The following PFKFB4 variants were observed in gnomAD, a reference collection of about 807,000 sequenced individuals.
The protein encoded by PFKFB4 is 6-phosphofructo-2-kinase/fructose-2,6-biphosphatase 4.
A neutral mutation model predicts 62.8 loss-of-function variants in PFKFB4; 42 were observed. The observed-to-expected ratio is 0.67, with a 90% CI of 0.52 to 0.86. The LOEUF (loss-of-function observed/expected upper bound fraction) is 0.86. PFKFB4 is among the 40% of genes least tolerant of loss of function. The pLI is 0.00. For synonymous variants in PFKFB4, 204 were observed against 240.7 expected (o/e 0.85, Z 1.41); for missense variants, 475 against 627.2 (o/e 0.76, Z 2.59).
chr3:48,549,962 T>C lies in PFKFB4; in HGVS notation c.215-2A>G. 1.9e-6 allele frequency: 3 copies of C among 1,609,940 alleles called. No homozygotes were observed. The highest frequency in any genetic ancestry group is 2.2e-5 in the East Asian group (1 of 44,856). Reference sequence around the variant, plus strand: ...GGCGATACTGGCCAACATTGAACTCTGGAGGGAAGGAGAGGCTCAGCTTTC... The same window carrying C: ...GGCGATACTGGCCAACATTGAACTCCGGAGGGAAGGAGAGGCTCAGCTTTC... On this transcript the variant is annotated splice_acceptor_variant, in intron 2 of 13. Transcript: ENST00000232375. LOFTEE classifies it high-confidence loss of function.
At chr3:48,562,929 G>A (rs765735658), upstream of PFKFB4, 22 of 1,604,638 alleles carry the variant, frequency 1.4e-5, no homozygotes, top group East Asian at 4.5e-5. This position sits in a 1 kb window ranked among gnomAD's most constrained non-coding sequence, Gnocchi z 4.3. Flanking sequence ...CCAGGGTGGC[G>A]GGTGGGGCTG....
chr3:48,553,858 C>T (rs2107601508), intron 1 of PFKFB4, among the ~76,000 whole-genome samples: 1 of 152,324 alleles, frequency 6.6e-6, no homozygotes, highest in South Asian at 2.1e-4. Context: ...CAGTCATGTC[C>T]TTACCCAGGA....
chr3:48,562,896 C>A (rs751720407), upstream of PFKFB4: 1 of 1,604,562 alleles, frequency 6.2e-7, no homozygotes, highest in South Asian at 1.1e-5. The surrounding 1 kb of genome is among the most constrained non-coding windows in gnomAD (Gnocchi z 4.3). Context: ...ATGGGGACAT[C>A]CAGCGATAGG....
intron 1 of PFKFB4, among the ~76,000 whole-genome samples, chr3:48,552,864 G>A (rs80219571): frequency 0.013 from 2,004 of 152,268 alleles, 45 homozygotes; most frequent in African/African-American, 0.046. Context: ...GCACAAGGTG[G>A]GCAGGCAGGG....
At chr3:48,551,638 G>A (rs1358836550) in intron 1 of PFKFB4, among the ~76,000 whole-genome samples, 3 of 142,390 alleles carry the variant, frequency 2.1e-5, no homozygotes, top group African/African-American at 8.0e-5. Flanking sequence ...TCTGCCTCCC[G>A]GGCTCAAGCA....
intron 9 of PFKFB4, among the ~76,000 whole-genome samples, chr3:48,529,980 T>C (rs1297950734): frequency 6.6e-6 from 1 of 151,652 alleles, no homozygotes; most frequent in Non-Finnish European, 1.5e-5. Context: ...AGGCCAGGCA[T>C]AGTGGCTCAT....
intron 10 of PFKFB4, among the ~76,000 whole-genome samples, chr3:48,524,939 CAT>C (rs980927848): frequency 1.1e-4 from 17 of 152,206 alleles, no homozygotes; most frequent in African/African-American, 1.7e-4. Context: ...GTAGCCAACT[CAT>C]GTGTGGAAGG....
rs201387883 is a variant in PFKFB4, at chr3:48,556,780, C to G, written c.-3G>C. ...GTCAATTCCCGTGGGGACGCCATCC[C>G]GGGGCCGGGATGAGTCGGACTGCGC... On this transcript the variant is annotated 5_prime_UTR_variant, in exon 1 of 14. Transcript: ENST00000232375. This position sits in a 1 kb window ranked among gnomAD's most constrained non-coding sequence, Gnocchi z 5.7. 3 of 1,600,124 alleles carry G rather than the reference C, an allele frequency of 1.9e-6. No individual in the cohort carries two copies. Among genetic ancestry groups the G allele is most frequent in the East Asian group, 2.3e-5 (1 of 42,744 alleles).
chr3:48,526,530 G>A lies in PFKFB4; in HGVS notation c.988-861C>T, dbSNP rs1430510508. Among the ~76,000 whole-genome samples, 4 of 148,902 alleles carry A rather than the reference G, an allele frequency of 2.7e-5. No homozygotes were observed. In the East Asian group the frequency reaches 5.9e-4, roughly 22 times the overall value. Reference sequence around the variant, plus strand: ...GGAGATTGCAGTGAGCCAAGATTACGCCACTGCACTCCAGCCTGGGGAAGA... The same window carrying A: ...GGAGATTGCAGTGAGCCAAGATTACACCACTGCACTCCAGCCTGGGGAAGA... On this transcript the variant is annotated intron_variant, in intron 9 of 13. Coordinates refer to ENST00000232375, the MANE Select transcript of PFKFB4 (RefSeq NM_004567.4).
At chr3:48,522,185 C>CTT (rs1055034832) in intron 12 of PFKFB4, 135 bp from the exon 13 acceptor site, 1 of 769,428 alleles carries the variant, frequency 1.3e-6, no homozygotes, top group African/African-American at 1.7e-5. Flanking sequence ...AGTTCTTCCA[C>CTT]TTTAGGCAGC....
At chr3:48,563,054 G>C, upstream of PFKFB4, 1 of 1,612,226 alleles carries the variant, frequency 6.2e-7, no homozygotes, top group Non-Finnish European at 8.5e-7. The surrounding 1 kb of genome is among the most constrained non-coding windows in gnomAD (Gnocchi z 4.5). Context: ...GGTTGGGATA[G>C]GGGTCACTGG....
chr3:48,521,398 A>G lies in PFKFB4; in HGVS notation c.1350+588T>C, dbSNP rs1163199028. Reference sequence around the variant, plus strand: ...CTCTGAGGAGCTTCTACCTTCCACAAGGCACTTGGGGAGCACAGGTGGTGA... The same window carrying G: ...CTCTGAGGAGCTTCTACCTTCCACAGGGCACTTGGGGAGCACAGGTGGTGA... On this transcript the variant is annotated intron_variant, in intron 13 of 13. Transcript: ENST00000232375. This position sits in a 1 kb window ranked among gnomAD's most constrained non-coding sequence, Gnocchi z 5.3. 6.6e-6 allele frequency among the ~76,000 whole-genome samples: 1 copy of G among 152,178 alleles called. No homozygotes were observed. The highest frequency in any genetic ancestry group is 1.9e-4 in the East Asian group (1 of 5,196).
rs1221291454 is a variant in PFKFB4 at position 48,521,476 on chromosome 3, G to C, written c.1350+510C>G. Among the ~76,000 whole-genome samples, 1 of 152,186 alleles carries C rather than the reference G, an allele frequency of 6.6e-6. No individual in the cohort carries two copies. Among genetic ancestry groups the C allele is most frequent in the African/African-American group, 2.4e-5 (1 of 41,444 alleles). On this transcript the variant is annotated intron_variant, in intron 13 of 13. Coordinates refer to ENST00000232375, the MANE Select transcript of PFKFB4 (RefSeq NM_004567.4). This position sits in a 1 kb window ranked among gnomAD's most constrained non-coding sequence, Gnocchi z 5.3. ...CCATGCTGAGGCCCCTTCAGTATCT[G>C]CATGGCCCTTTCCCCAAAAGTACAT...
At chr3:48,551,865 G>T (rs1335811979) in intron 1 of PFKFB4, among the ~76,000 whole-genome samples, 1 of 152,030 alleles carries the variant, frequency 6.6e-6, no homozygotes, top group Non-Finnish European at 1.5e-5. Flanking sequence ...GCCATCAAAC[G>T]CGGTCTCACG....
upstream of PFKFB4, chr3:48,556,941 G>T (rs1030927148): frequency 1.4e-6 from 2 of 1,396,802 alleles, no homozygotes; most frequent in East Asian, 5.9e-5. This position sits in a 1 kb window ranked among gnomAD's most constrained non-coding sequence, Gnocchi z 5.7. Context: ...CTCCGCCCCA[G>T]CTGAAAGGGG....
chr3:48,561,342 G>A (rs190890575), upstream of PFKFB4, among the ~76,000 whole-genome samples: 4 of 152,338 alleles, frequency 2.6e-5, no homozygotes, highest in Admixed American at 6.5e-5. The surrounding 1 kb of genome is among the most constrained non-coding windows in gnomAD (Gnocchi z 5.2). Flanking sequence ...TCCCTCTCCC[G>A]CCAGAGCTGC....
chr3:48,562,910 A>T, upstream of PFKFB4: 1 of 1,605,674 alleles, frequency 6.2e-7, no homozygotes, highest in African/African-American at 1.3e-5. This position sits in a 1 kb window ranked among gnomAD's most constrained non-coding sequence, Gnocchi z 4.3. Context: ...CGATAGGACA[A>T]TGCGCGAGCC....
intron 7 of PFKFB4, among the ~76,000 whole-genome samples, chr3:48,537,210 C>T (rs1334774366): frequency 1.3e-5 from 2 of 152,282 alleles, no homozygotes; most frequent in African/African-American, 4.8e-5. Context: ...CAGTTGAGCT[C>T]TCACTGTCTG....
intron 1 of PFKFB4, among the ~76,000 whole-genome samples, chr3:48,550,872 A>C (rs2043121325): frequency 6.6e-6 from 1 of 152,220 alleles, no homozygotes; most frequent in Non-Finnish European, 1.5e-5. Flanking sequence ...ACAGCAGAAG[A>C]AGCCCTGTGG....
Sources: gnomAD v4.1 joint callset for allele counts (sites outside exome capture counted in the v4.1 genomes callset) on GRCh38, gnomAD v4.1.1 for gene constraint, Gnocchi (gnomAD v3.1) non-coding constraint, MANE v1.5 for transcripts, NCBI Gene and HGNC (gene_info 2026-07-23, HGNC 2026-07-21) for gene names.